PLEKHA4: variants seen among roughly 807,000 people sequenced by gnomAD.
PLEKHA4 encodes the protein pleckstrin homology domain-containing family A member 4.
PLEKHA4 carries 73 observed loss-of-function variants against 94.7 expected under a neutral mutation model. The ratio of observed to expected loss-of-function variants is 0.77; its 90% CI spans 0.64 to 0.94. The LOEUF (loss-of-function observed/expected upper bound fraction) is 0.94. PLEKHA4 is among the 40% of genes least tolerant of loss of function. The pLI is 0.00. For missense variants in PLEKHA4, 1,049 were observed against 1,054.1 expected (o/e 1.00, Z 0.07); for synonymous variants, 449 against 437.1 (o/e 1.03, Z -0.34).
chr19:48,841,341 ACCTTTAGGCCAGG>A, intron 16 of PLEKHA4, 31 bp from the exon 17 acceptor site: 2 of 1,572,378 alleles, frequency 1.3e-6, no homozygotes, highest in South Asian at 2.4e-5. Flanking sequence ...CCAAGACCCA[ACCTTTAGGCCAGG>A]CACAGTGGCT....
rs2035621834 is a variant in PLEKHA4 at position 48,838,334 on chromosome 19, C to CT, written c.1965-206dup. On this transcript the variant is annotated intron_variant, in intron 18 of 19. Coordinates refer to ENST00000263265, the MANE Select transcript of PLEKHA4 (RefSeq NM_020904.3). ...TTGTTTATACATCAAAGGGTAAATC[C>CT]TTGAAAGGGGATGGATACCCTATTC... The CT allele has an allele frequency of 4.9e-5, 19 of 386,006 alleles. 1 individual carries two copies. In the South Asian group the frequency reaches 9.0e-4, roughly 18 times the overall value. 23.9% of individuals were successfully genotyped at this position (386,006 alleles called of 1,614,324 possible). A position where few individuals can be genotyped will look rare whatever the true frequency, so the allele number is the denominator to read the frequency against.
At chr19:48,850,001 A>C (rs1352026410) in intron 13 of PLEKHA4, among the ~76,000 whole-genome samples, 1 of 152,072 alleles carries the variant, frequency 6.6e-6, no homozygotes, top group Admixed American at 6.6e-5. Context: ...TCAGAAGGTC[A>C]GGAGTTCAAG....
At chr19:48,857,907 T>A (rs1158328567) in intron 8 of PLEKHA4, among the ~76,000 whole-genome samples, 2 of 148,586 alleles carry the variant, frequency 1.3e-5, no homozygotes, top group African/African-American at 5.0e-5. Flanking sequence ...CCAAGAATGA[T>A]CAATAAAAAA....
At chr19:48,854,165 T>C in intron 10 of PLEKHA4, 52 bp downstream of exon 10, 2 of 1,612,562 alleles carry the variant, frequency 1.2e-6, no homozygotes, top group Non-Finnish European at 1.7e-6. Context: ...ATCTAGAACA[T>C]TCTCTCCCCA....
At chr19:48,858,463 C>T (rs1308848708) in intron 8 of PLEKHA4, among the ~76,000 whole-genome samples, 1 of 151,764 alleles carries the variant, frequency 6.6e-6, no homozygotes, top group Non-Finnish European at 1.5e-5. Context: ...CTCATCTCTA[C>T]CAAAAATATA....
intron 16 of PLEKHA4, among the ~76,000 whole-genome samples, chr19:48,842,448 C>T (rs2035806255): frequency 6.6e-6 from 1 of 152,166 alleles, no homozygotes; most frequent in South Asian, 2.1e-4. Context: ...CGCGCCCAGC[C>T]AATGTTGTTA....
intron 16 of PLEKHA4, chr19:48,844,346 G>A (rs1481155912): frequency 1.9e-6 from 1 of 512,916 alleles, no homozygotes; most frequent in Non-Finnish European, 2.5e-6. Flanking sequence ...TAGAGACAGG[G>A]TTTTCACCAT....
chr19:48,849,929 T>C (rs149070792), intron 13 of PLEKHA4, among the ~76,000 whole-genome samples: 258 of 152,232 alleles, frequency 1.7e-3, no homozygotes, highest in African/African-American at 5.8e-3. Context: ...ACGAAAGGCA[T>C]TGGCCGGGCG....
At chr19:48,854,296 G>C in intron 9 of PLEKHA4, 32 bp from the exon 10 acceptor site, 1 of 1,600,818 alleles carries the variant, frequency 6.2e-7, no homozygotes. Flanking sequence ...AGGGGTCAAA[G>C]GGGACAGGCT....
Position 48,837,593 on chromosome 19 carries a change from G to A in PLEKHA4, c.2078-42C>T. 6.2e-7 allele frequency: 1 copy of A among 1,607,956 alleles called. No homozygotes were observed. The highest frequency in any genetic ancestry group is 8.5e-7 in the Non-Finnish European group (1 of 1,177,416). ...GGACATGAGAATGGCAAACCTCAGC[G>A]CTAGGACCCCGGATTCCCAGCCCCT... On this transcript the variant is annotated intron_variant, in intron 19 of 19. Coordinates refer to ENST00000263265, the MANE Select transcript of PLEKHA4 (RefSeq NM_020904.3). The surrounding 1 kb of genome is among the most constrained non-coding windows in gnomAD (Gnocchi z 4.3).
rs185638194 is a variant in PLEKHA4, at chr19:48,867,770, G to A, written c.-6-144C>T. 42 of 762,048 alleles carry A rather than the reference G, an allele frequency of 5.5e-5. No individual in the cohort carries two copies. In the East Asian group the frequency reaches 5.9e-4, roughly 11 times the overall value. The allele number at this position is 762,048 out of a possible 1,614,324, so 47.2% of individuals were successfully genotyped here. A position where few individuals can be genotyped will look rare whatever the true frequency, so the allele number is the denominator to read the frequency against. ...GGGGGGCTGGGGGAGGCCATGGCCC[G>A]TGACCACATACCAAGAGTGGTGCCA... On this transcript the variant is annotated intron_variant, in intron 1 of 19. Coordinates refer to ENST00000263265, the MANE Select transcript of PLEKHA4 (RefSeq NM_020904.3). The surrounding 1 kb of genome is among the most constrained non-coding windows in gnomAD (Gnocchi z 4.7).
intron 8 of PLEKHA4, among the ~76,000 whole-genome samples, chr19:48,857,937 A>G (rs1233770472): frequency 6.6e-6 from 1 of 152,040 alleles, no homozygotes; most frequent in African/African-American, 2.4e-5. Context: ...ATAATTAAAA[A>G]AAAAAAGAAA....
At position 48,856,291 on chromosome 19, in the gene PLEKHA4, A is replaced by G. The variant is rs1453911291; in HGVS notation, c.1047+1131T>C. 1.0e-4 allele frequency among the ~76,000 whole-genome samples: 15 copies of G among 149,134 alleles called. No individual in the cohort carries two copies. The South Asian group carries it at 2.6e-3, about 26-fold the overall frequency. On this transcript the variant is annotated intron_variant, in intron 9 of 19. Transcript: ENST00000263265. ...AAGGGGAAGGGGGAAAGAAAGAAAG[A>G]AAGGAAGGAAGGCCAGTCGCGGTGG... is the stretch of plus-strand genomic sequence containing the variant.
intron 3 of PLEKHA4, among the ~76,000 whole-genome samples, chr19:48,863,694 T>C (rs1471231712): frequency 6.6e-6 from 1 of 151,934 alleles, no homozygotes; most frequent in East Asian, 1.9e-4. Flanking sequence ...CACCTTGGCC[T>C]CCCAAAGTGC....
Position 48,857,466 on chromosome 19 carries a change from G to A in PLEKHA4, c.1003C>T (p.Leu335Phe). 6.4e-7 allele frequency: 1 copy of A among 1,568,764 alleles called. No homozygotes were observed. The highest frequency in any genetic ancestry group is 8.6e-7 in the Non-Finnish European group (1 of 1,161,278). ...CGGGTCCCAGGGGGCCGCGGGGGGA[G>A]CTGGAGATAAGTGGGGGAGCCAGAG... Reference protein sequence around the residue: ...AHSGSPTYLQLPPRPPGTRAS... With the variant: ...AHSGSPTYLQFPPRPPGTRAS... The change falls in exon 9 of 20, where the codon CTC (leucine) becomes TTC (phenylalanine). Residue 335 changes from leucine to phenylalanine, a missense_variant. Transcript: ENST00000263265.
At chr19:48,851,694 C>G (rs2036195472) in intron 13 of PLEKHA4, among the ~76,000 whole-genome samples, 1 of 151,932 alleles carries the variant, frequency 6.6e-6, no homozygotes. Context: ...GTGGCTCATG[C>G]TTGCAATCCC....
intron 13 of PLEKHA4, among the ~76,000 whole-genome samples, chr19:48,849,629 A>G (rs1330769900): frequency 6.6e-6 from 1 of 152,286 alleles, no homozygotes; most frequent in Non-Finnish European, 1.5e-5. Flanking sequence ...TTTTAAAGAT[A>G]CATGATTTAG....
Position 48,860,432 on chromosome 19 carries a change from C to T in PLEKHA4, c.394G>A (p.Val132Ile), listed in dbSNP as rs773507617. Residue 132 changes from valine to isoleucine, a missense_variant, in exon 6 of 20, where the codon GTT (valine) becomes ATT (isoleucine). Transcript: ENST00000263265. ...TCTTCTAAGGTGTCAGCGGCCAAAACGTAGGTCCTCATGCCCGGGTGCTCT... is the reference window on the plus strand; with the variant it reads ...TCTTCTAAGGTGTCAGCGGCCAAAATGTAGGTCCTCATGCCCGGGTGCTCT... ...TAEHPGMRTY[V>I]LAADTLEDLR... 3.3e-5 allele frequency: 53 copies of T among 1,613,984 alleles called. No homozygotes were observed. The highest frequency in any genetic ancestry group is 4.4e-5 in the Non-Finnish European group (52 of 1,180,022).
intron 2 of PLEKHA4, 57 bp from the exon 3 acceptor site, chr19:48,865,667 G>T: frequency 7.9e-7 from 1 of 1,259,162 alleles, no homozygotes; most frequent in Non-Finnish European, 1.1e-6. Context: ...TCCTGGGAGG[G>T]GGTGAGGGTG....
Sources: allele counts gnomAD v4.1 joint callset (sites outside exome capture counted in the v4.1 genomes callset), GRCh38; gene constraint gnomAD v4.1.1; non-coding constraint Gnocchi (gnomAD v3.1); transcripts MANE v1.5; gene names NCBI Gene and HGNC (gene_info 2026-07-23, HGNC 2026-07-21).